PCDH15: variants seen among roughly 807,000 people sequenced by gnomAD.
The protein encoded by PCDH15 is protocadherin-15.
In PCDH15, 129 loss-of-function variants were observed where a neutral mutation model predicts 178.5. The ratio of observed to expected loss-of-function variants is 0.72; its 90% confidence interval spans 0.63 to 0.84. PCDH15 has a LOEUF of 0.84. PCDH15 is among the 40% of genes least tolerant of loss of function. The probability of loss-of-function intolerance (pLI) is 0.00; values close to 1 mark genes in which losing one functional copy is unlikely to be tolerated. For missense variants in PCDH15, 2,230 were observed against 2,099.9 expected, an observed-to-expected ratio of 1.06 and a Z score of -1.21; for synonymous variants, 800 against 732.0, an observed-to-expected ratio of 1.09 and a Z score of -1.50.
chr10:55,591,861 T>A (rs1257480528), intron 2 of PCDH15, among the ~76,000 whole-genome samples: 3 of 152,146 alleles, frequency 2.0e-5, no homozygotes, highest in Non-Finnish European at 2.9e-5. Flanking sequence ...AGTCGTAAAT[T>A]ATTAAATACT....
chr10:55,522,888 T>C (rs894551741), intron 2 of PCDH15, among the ~76,000 whole-genome samples: 1 of 151,354 alleles, frequency 6.6e-6, no homozygotes, highest in Non-Finnish European at 1.5e-5. Context: ...TGTTCTTTTC[T>C]TTCTCCCCTG....
chr10:54,047,347 C>T (rs1259693783), intron 18 of PCDH15, among the ~76,000 whole-genome samples: 1 of 144,598 alleles, frequency 6.9e-6, no homozygotes, highest in Admixed American at 6.8e-5. Context: ...TTGTTCTTTG[C>T]ATTCACACTG....
intron 15 of PCDH15, among the ~76,000 whole-genome samples, chr10:54,126,824 T>C (rs2042030832): frequency 6.6e-6 from 1 of 152,072 alleles, no homozygotes; most frequent in Non-Finnish European, 1.5e-5. Flanking sequence ...ATATAGACTC[T>C]GCATATTATT....
At chr10:55,536,154 A>G (rs1016296560) in intron 2 of PCDH15, among the ~76,000 whole-genome samples, 6 of 152,132 alleles carry the variant, frequency 3.9e-5, no homozygotes, top group African/African-American at 1.2e-4. Context: ...GGACATACTT[A>G]TTTCATATTC....
rs141095890 is a variant in PCDH15, at chr10:54,797,703, G to A, written c.-29+3222C>T. Among the ~76,000 whole-genome samples, 336 of 152,156 alleles carry A rather than the reference G, an allele frequency of 2.2e-3. 2 individuals carry two copies. The highest frequency in any genetic ancestry group is 6.5e-3 in the African/African-American group (269 of 41,536). On this transcript the variant is annotated intron_variant, in intron 1 of 37. Coordinates refer to ENST00000644397, the MANE Select transcript of PCDH15 (RefSeq NM_001384140.1). Reference sequence around the variant, plus strand: ...ACTGAGGAACAAATGTTTAGAGGGTGTGCTGAGGTTCTCAAGGAAAATAAT... The same window carrying A: ...ACTGAGGAACAAATGTTTAGAGGGTATGCTGAGGTTCTCAAGGAAAATAAT...
intron 2 of PCDH15, among the ~76,000 whole-genome samples, chr10:55,120,461 G>A (rs1043606838): frequency 3.9e-5 from 6 of 151,976 alleles, no homozygotes; most frequent in African/African-American, 1.4e-4. Flanking sequence ...TCTAGAGGGA[G>A]TATATGAATA....
At chr10:54,157,426 A>G (rs913687079) in intron 13 of PCDH15, among the ~76,000 whole-genome samples, 2 of 152,172 alleles carry the variant, frequency 1.3e-5, no homozygotes, top group East Asian at 3.9e-4. Context: ...CCTGAGCTCT[A>G]TGTTGGACCC....
rs527883748 is a variant in PCDH15, at chr10:54,612,481, G to A, written c.91+51691C>T. On this transcript the variant is annotated intron_variant, in intron 2 of 37. Transcript: ENST00000644397. ...AAAATGATTAATTTTTAATTATGTAGATAAATTTTGGATCTAGGTGGACTG... is the reference window on the plus strand; with the variant it reads ...AAAATGATTAATTTTTAATTATGTAAATAAATTTTGGATCTAGGTGGACTG... Among the ~76,000 whole-genome samples, 64 of 151,654 alleles carry A rather than the reference G, an allele frequency of 4.2e-4. 4 individuals carry two copies. In the South Asian group the frequency reaches 0.013, roughly 31 times the overall value.
intron 2 of PCDH15, among the ~76,000 whole-genome samples, chr10:54,586,362 AC>A (rs1344647523): frequency 6.6e-6 from 1 of 152,156 alleles, no homozygotes; most frequent in African/African-American, 2.4e-5. Context: ...AAAGGTCTTA[AC>A]TTCAAGAGGT....
At chr10:54,261,942 T>C (rs1447582242) in intron 8 of PCDH15, among the ~76,000 whole-genome samples, 1 of 152,084 alleles carries the variant, frequency 6.6e-6, no homozygotes, top group Non-Finnish European at 1.5e-5. Context: ...GACACCATGG[T>C]TGAAGAGGGA....
chr10:55,494,598 T>C (rs1296351668), intron 2 of PCDH15, among the ~76,000 whole-genome samples: 9 of 151,750 alleles, frequency 5.9e-5, no homozygotes, highest in Non-Finnish European at 8.9e-5. Context: ...TTTATTTATA[T>C]ACTGGTTATT....
chr10:54,419,253 C>CACAG (rs1954894483), intron 3 of PCDH15, among the ~76,000 whole-genome samples: 1 of 151,250 alleles, frequency 6.6e-6, no homozygotes, highest in Admixed American at 6.6e-5. Context: ...TACACACACA[C>CACAG]ACACACATTC....
intron 2 of PCDH15, among the ~76,000 whole-genome samples, chr10:55,620,863 T>C (rs1486725846): frequency 6.6e-6 from 1 of 151,548 alleles, no homozygotes. Flanking sequence ...TGATATCAGC[T>C]CAAATTCATG....
At chr10:54,460,829 C>T (rs990979514) in intron 3 of PCDH15, among the ~76,000 whole-genome samples, 3 of 151,998 alleles carry the variant, frequency 2.0e-5, no homozygotes, top group South Asian at 2.1e-4. Flanking sequence ...TTGAAGTGCA[C>T]TTGAGGAACT....
intron 15 of PCDH15, among the ~76,000 whole-genome samples, chr10:54,105,572 C>T (rs570320205): frequency 1.6e-3 from 245 of 152,084 alleles, no homozygotes; most frequent in African/African-American, 5.7e-3. Context: ...AGTCTTTTCA[C>T]ATTTTTCTGC....
chr10:55,059,878 T>G (rs1190815473), intron 2 of PCDH15, among the ~76,000 whole-genome samples: 1 of 152,014 alleles, frequency 6.6e-6, no homozygotes, highest in Non-Finnish European at 1.5e-5. Flanking sequence ...TTTAAAATTA[T>G]AGACATAATT....
At chr10:53,892,481 TA>T (rs1377181347) in intron 26 of PCDH15, among the ~76,000 whole-genome samples, 2 of 152,168 alleles carry the variant, frequency 1.3e-5, no homozygotes, top group Non-Finnish European at 1.5e-5. Flanking sequence ...AGGAGAATGA[TA>T]TTTTTTGGTG....
At chr10:53,986,385 G>A (rs937093451) in intron 21 of PCDH15, among the ~76,000 whole-genome samples, 1 of 152,122 alleles carries the variant, frequency 6.6e-6, no homozygotes, top group African/African-American at 2.4e-5. Flanking sequence ...ATGTAAAATG[G>A]CACTGTCAAT....
At chr10:54,074,923 AGGT>A (rs939882818) in intron 17 of PCDH15, among the ~76,000 whole-genome samples, 7 of 152,024 alleles carry the variant, frequency 4.6e-5, no homozygotes, top group African/African-American at 1.7e-4. Context: ...ACTGGGTGTG[AGGT>A]GGCACCTCAT....
Sources: gnomAD v4.1 joint callset for allele counts (sites outside exome capture counted in the v4.1 genomes callset) on GRCh38, gnomAD v4.1.1 for gene constraint, MANE v1.5 for transcripts, NCBI Gene and HGNC (gene_info 2026-07-23, HGNC 2026-07-21) for gene names.